CHIC1: variants seen among roughly 807,000 people sequenced by gnomAD.
CHIC1 encodes cysteine rich hydrophobic domain 1.
CHIC1 carries 7 observed loss-of-function variants against 18.5 expected under a neutral mutation model. That is an observed-to-expected ratio of 0.38 (90% CI 0.22 to 0.71). The LOEUF (loss-of-function observed/expected upper bound fraction) is 0.71. Among genes scored for constraint, CHIC1 ranks in the 30% least tolerant of loss-of-function variants. CHIC1 has a pLI of 0.49. For synonymous variants in CHIC1, 77 were observed against 73.5 expected, an observed-to-expected ratio of 1.05 and a Z score of -0.25; for missense variants, 159 against 176.9, an observed-to-expected ratio of 0.90 and a Z score of 0.57.
chrX:73,569,160 T>C (rs750524830), intron 1 of CHIC1, among the ~76,000 whole-genome samples: 4 of 111,884 alleles, frequency 3.6e-5, no homozygotes, highest in Non-Finnish European at 7.5e-5. Flanking sequence ...TCAGTATTCC[T>C]ATAAGTGCAT....
chrX:73,677,798 G>A (rs767071474), intron 3 of CHIC1, among the ~76,000 whole-genome samples: 1 of 112,174 alleles, frequency 8.9e-6, no homozygotes, highest in Non-Finnish European at 1.9e-5. Context: ...ACCTTAGTTG[G>A]AAATGCAGAA....
At chrX:73,598,692 C>A (rs371557971) in intron 3 of CHIC1, among the ~76,000 whole-genome samples, 1 of 109,567 alleles carries the variant, frequency 9.1e-6, no homozygotes, top group African/African-American at 3.3e-5. Context: ...TAGTATTCCA[C>A]GGTGTATATG....
Position 73,684,792 on chromosome X carries a change from C to T in CHIC1, c.*3787C>T, listed in dbSNP as rs1013410679. On this transcript the variant is annotated 3_prime_UTR_variant, in exon 6 of 6. Coordinates refer to ENST00000373502, the MANE Select transcript of CHIC1 (RefSeq NM_001039840.4). ...TGAATAGGTTTTATTAATACCTGTT[C>T]ATGTAGTATGTGGACTAAAACAATT... The T allele has an allele frequency of 3.6e-5, 4 of 111,299 alleles. No individual in the cohort carries two copies. Among genetic ancestry groups the T allele is most frequent in the Non-Finnish European group, 7.6e-5 (4 of 52,857 alleles). The allele number at this position is 111,299 out of a possible 1,213,427, so 9.2% of individuals were successfully genotyped here. A position where few individuals can be genotyped will look rare whatever the true frequency, so the allele number is the denominator to read the frequency against.
At chrX:73,663,634 A>G (rs1332760103) in intron 3 of CHIC1, among the ~76,000 whole-genome samples, 1 of 110,714 alleles carries the variant, frequency 9.0e-6, no homozygotes, top group Non-Finnish European at 1.9e-5. Flanking sequence ...AATTATCGAA[A>G]TGTCCGCCCC....
intron 2 of CHIC1, among the ~76,000 whole-genome samples, chrX:73,579,473 G>T (rs1165434298): frequency 1.8e-5 from 2 of 110,176 alleles, no homozygotes; most frequent in African/African-American, 6.5e-5. Context: ...CATTGCTTTT[G>T]CAAATTTTCT....
chrX:73,584,448 G>A lies in CHIC1; in HGVS notation c.383G>A (p.Gly128Asp). ...VAPEEFKTSI[G>D]RVNACLKKAL... ...CCAGAAGAATTTAAAACCAGCATTGGCCGTGTGAATGCATGTTTGAAAAAG... is the reference window on the plus strand; with the variant it reads ...CCAGAAGAATTTAAAACCAGCATTGACCGTGTGAATGCATGTTTGAAAAAG... The change falls in exon 3 of 6, where the codon GGC becomes GAC. Residue 128 changes from glycine (G) to aspartate (D), a missense_variant. Gly to Asp is a moderately conservative substitution (Grantham distance 94). Coordinates refer to ENST00000373502, the MANE Select transcript of CHIC1 (RefSeq NM_001039840.4). The A allele has an allele frequency of 4.2e-6, 5 of 1,184,285 alleles. No homozygotes were observed. Among genetic ancestry groups the A allele is most frequent in the Non-Finnish European group, 5.7e-6 (5 of 880,672 alleles).
At chrX:73,563,683 G>A in intron 1 of CHIC1, 103 bp downstream of exon 1, 1 of 812,151 alleles carries the variant, frequency 1.2e-6, no homozygotes, top group Non-Finnish European at 1.6e-6. Flanking sequence ...TTGACTGATT[G>A]ACTGAGGCGT....
chrX:73,670,257 G>A (rs966121276), intron 3 of CHIC1, among the ~76,000 whole-genome samples: 1 of 111,373 alleles, frequency 9.0e-6, no homozygotes, highest in African/African-American at 3.3e-5. Flanking sequence ...CAGTCCCAAC[G>A]TGAGAACCTA....
intron 3 of CHIC1, among the ~76,000 whole-genome samples, chrX:73,625,199 A>G (rs2057778099): frequency 9.0e-6 from 1 of 111,261 alleles, no homozygotes; most frequent in African/African-American, 3.3e-5. Flanking sequence ...ACCTGAATTA[A>G]TATTTTCCAT....
intron 3 of CHIC1, among the ~76,000 whole-genome samples, chrX:73,650,830 A>G (rs2057912765): frequency 9.0e-6 from 1 of 111,478 alleles, no homozygotes; most frequent in East Asian, 2.8e-4. Flanking sequence ...ACTCCTCCCT[A>G]ACTCATTTTA....
At chrX:73,565,025 G>A (rs2057438788) in intron 1 of CHIC1, among the ~76,000 whole-genome samples, 1 of 110,462 alleles carries the variant, frequency 9.1e-6, no homozygotes, top group South Asian at 3.8e-4. Context: ...AATTGGGGAA[G>A]TGTTGGGGGA....
At chrX:73,578,366 A>C (rs2057510315) in intron 2 of CHIC1, among the ~76,000 whole-genome samples, 1 of 110,564 alleles carries the variant, frequency 9.0e-6, no homozygotes, top group South Asian at 3.7e-4. Flanking sequence ...GGAGAGAAAA[A>C]CCATTATATT....
At chrX:73,599,194 G>C (rs951581449) in intron 3 of CHIC1, among the ~76,000 whole-genome samples, 4 of 110,306 alleles carry the variant, frequency 3.6e-5, no homozygotes, top group Non-Finnish European at 1.9e-5. Context: ...TTTTTTTCTT[G>C]TAAATCTGTT....
chrX:73,656,705 C>A (rs1164534744), intron 3 of CHIC1, among the ~76,000 whole-genome samples: 1 of 111,965 alleles, frequency 8.9e-6, no homozygotes, highest in Non-Finnish European at 1.9e-5. Flanking sequence ...TTACTGTAGC[C>A]TTGTAGTATA....
chrX:73,618,207 AG>A (rs926355447), intron 3 of CHIC1, among the ~76,000 whole-genome samples: 6 of 111,498 alleles, frequency 5.4e-5, no homozygotes, highest in African/African-American at 2.0e-4. Context: ...GGACTCTGCA[AG>A]GGTCCTTAGT....
Position 73,563,569 on chromosome X carries a change from CCACAT to C in CHIC1, c.289_293del (p.Ile97CysfsTer9), listed in dbSNP as rs1258558270. On this transcript the variant is annotated frameshift_variant, in exon 1 of 6. Coordinates refer to ENST00000373502, the MANE Select transcript of CHIC1 (RefSeq NM_001039840.4). LOFTEE classifies it high-confidence loss of function. ...ACCCTGTATTAGTGCGGGGTGCCGG[CCACAT>C]CACTGTGTAAGCGAGAGGGGGTCTT... 9.1e-7 allele frequency: 1 copy of C among 1,097,533 alleles called. No individual in the cohort carries two copies. Among genetic ancestry groups the C allele is most frequent in the African/African-American group, 1.9e-5 (1 of 53,257 alleles). The allele number at this position is 1,097,533 out of a possible 1,213,427, so 90.4% of individuals were successfully genotyped here.
intron 3 of CHIC1, among the ~76,000 whole-genome samples, chrX:73,616,080 C>G (rs1231487244): frequency 9.1e-6 from 1 of 110,286 alleles, no homozygotes; most frequent in Non-Finnish European, 1.9e-5. Context: ...TATTGGCCCC[C>G]CTCCCCCCAG....
chrX:73,653,557 C>T (rs888010259), intron 3 of CHIC1, among the ~76,000 whole-genome samples: 7 of 111,583 alleles, frequency 6.3e-5, no homozygotes, highest in African/African-American at 2.3e-4. Context: ...TGTGTATTTC[C>T]ATTCACATTT....
At chrX:73,607,668 T>A (rs2057689351) in intron 3 of CHIC1, among the ~76,000 whole-genome samples, 1 of 108,715 alleles carries the variant, frequency 9.2e-6, no homozygotes, top group Non-Finnish European at 1.9e-5. Context: ...GTGGGAAAAG[T>A]GTAGTAACTG....
Sources: allele counts gnomAD v4.1 joint callset (sites outside exome capture counted in the v4.1 genomes callset), GRCh38; gene constraint gnomAD v4.1.1; transcripts MANE v1.5; gene names NCBI Gene and HGNC (gene_info 2026-07-23, HGNC 2026-07-21).